Variants in HSPA14 observed in about 807,000 individuals in gnomAD.
The protein encoded by HSPA14 is heat shock 70 kDa protein 14.
A neutral mutation model predicts 65.5 loss-of-function variants in HSPA14; 37 were observed. That is an observed-to-expected ratio of 0.56 (90% CI 0.43 to 0.74). The LOEUF (loss-of-function observed/expected upper bound fraction) is 0.74, where lower values mean the gene tolerates loss of function less well. Ranked by LOEUF, HSPA14 falls within the 30% of genes least tolerant of loss-of-function variation. The pLI is 0.00. For missense variants in HSPA14, 564 were observed against 607.6 expected (o/e 0.93, Z 0.75); for synonymous variants, 203 against 214.2 (o/e 0.95, Z 0.46).
intron 3 of HSPA14, chr10:14,843,705 A>AG: frequency 6.5e-7 from 1 of 1,540,234 alleles, no homozygotes; most frequent in South Asian, 1.2e-5. Context: ...AGCGGGAGGA[A>AG]GAAAAACTGG....
At chr10:14,844,919 C>T (rs375604418) in intron 3 of HSPA14, 17 of 985,242 alleles carry the variant, frequency 1.7e-5, no homozygotes, top group Middle Eastern at 5.2e-4. Flanking sequence ...GCCCTAGAAA[C>T]GTTTCCTTTT....
In HSPA14 at chr10:14,867,745, G is replaced by C. The variant is rs757669772; in HGVS notation, c.1216G>C (p.Glu406Gln). Residue 406 changes from glutamate to glutamine, a missense_variant, in exon 12 of 14, where the codon GAA becomes CAA. Coordinates refer to ENST00000378372, the MANE Select transcript of HSPA14 (RefSeq NM_016299.4). Reference sequence around the variant, plus strand: ...GTTTCCTGCTAACTAGGGTGTGGACGAATCAGGAGCCAGTAGATTCACAGT... The same window carrying C: ...GTTTCCTGCTAACTAGGGTGTGGACCAATCAGGAGCCAGTAGATTCACAGT... ...ARDILVKGVD[E>Q]SGASRFTVLF... 4.3e-6 allele frequency: 7 copies of C among 1,613,166 alleles called. No homozygotes were observed. Among genetic ancestry groups the C allele is most frequent in the East Asian group, 2.2e-5 (1 of 44,874 alleles).
chr10:14,848,613 A>G lies in HSPA14; in HGVS notation c.226A>G (p.Ser76Gly). 1 of 1,609,642 alleles carries G rather than the reference A, an allele frequency of 6.2e-7. No homozygotes were observed. Among genetic ancestry groups the G allele is most frequent in the South Asian group, 1.1e-5 (1 of 90,690 alleles). Residue 76 changes from serine (S) to glycine (G), a missense_variant, in exon 4 of 14, where the codon AGT becomes GGT. Coordinates refer to ENST00000378372, the MANE Select transcript of HSPA14 (RefSeq NM_016299.4). ...KVKQILGRSSSDPQAQKYIAE... is the reference protein window; with the variant it reads ...KVKQILGRSSGDPQAQKYIAE... The stretch of plus-strand genomic sequence containing the variant: ...TTTATCTTTCTTTATGGACAGCTCC[A>G]GTGATCCACAAGCTCAGAAATACAT...
chr10:14,845,136 C>T (rs984875136), intron 3 of HSPA14: 1 of 985,308 alleles, frequency 1.0e-6, no homozygotes. Flanking sequence ...CAGACACACA[C>T]TGGGGAGAGA....
rs1189303997 is a variant in HSPA14 at position 14,838,387 on chromosome 10, C to T, written c.-16C>T. ...GGGGACCCCCTCATTCCTGCCGCTG[C>T]CGTCCCTGCTGCCTCATGGCGGCCA... On this transcript the variant is annotated 5_prime_UTR_variant, in exon 1 of 14. Coordinates refer to ENST00000378372, the MANE Select transcript of HSPA14 (RefSeq NM_016299.4). The T allele has an allele frequency of 3.8e-6, 6 of 1,597,802 alleles. No homozygotes were observed. The highest frequency in any genetic ancestry group is 5.1e-6 in the Non-Finnish European group (6 of 1,174,682).
At chr10:14,848,965 A>G (rs1438872336) in intron 5 of HSPA14, 70 bp downstream of exon 5, 1 of 851,734 alleles carries the variant, frequency 1.2e-6, no homozygotes. Flanking sequence ...AAAAAAAGTT[A>G]GAGGTATTTT....
At chr10:14,865,404 A>G (rs1172674803) in intron 10 of HSPA14, among the ~76,000 whole-genome samples, 3 of 152,048 alleles carry the variant, frequency 2.0e-5, no homozygotes, top group Admixed American at 6.5e-5. Context: ...GCCCATGCCT[A>G]TGTCCTGAAT....
intron 12 of HSPA14, among the ~76,000 whole-genome samples, chr10:14,869,260 TGTGTAA>T (rs1832833890): frequency 6.6e-6 from 1 of 151,374 alleles, no homozygotes; most frequent in South Asian, 2.1e-4. Context: ...TGTGTGTGTG[TGTGTAA>T]AGAGATACAT....
chr10:14,864,289 C>G (rs933113187), intron 10 of HSPA14, among the ~76,000 whole-genome samples: 17 of 106,052 alleles, frequency 1.6e-4, no homozygotes, highest in Admixed American at 9.7e-4. Context: ...TTTTGGTTTT[C>G]TTTGTTTTTT....
At chr10:14,846,944 T>C in intron 3 of HSPA14, 1 of 985,440 alleles carries the variant, frequency 1.0e-6, no homozygotes, top group Non-Finnish European at 1.2e-6. Flanking sequence ...CTCACCACCT[T>C]TGTTTTTCTG....
intron 2 of HSPA14, 43 bp from the exon 3 acceptor site, chr10:14,840,032 A>G (rs1198654259): frequency 1.4e-6 from 2 of 1,414,584 alleles, no homozygotes; most frequent in Middle Eastern, 2.1e-4. Flanking sequence ...TTAAAATTAC[A>G]TACATTGTAA....
intron 3 of HSPA14, among the ~76,000 whole-genome samples, chr10:14,847,348 G>A (rs148002570): frequency 1.3e-4 from 20 of 152,206 alleles, no homozygotes; most frequent in African/African-American, 4.8e-4. Flanking sequence ...TGCAAAACCC[G>A]CTATGAGCAC....
intron 3 of HSPA14, chr10:14,845,360 C>A: frequency 3.0e-6 from 3 of 985,244 alleles, no homozygotes; most frequent in Non-Finnish European, 3.6e-6. Flanking sequence ...ATCTTGCAGG[C>A]TCGAGTGCTT....
At chr10:14,868,002 T>C (rs1588821808) in intron 12 of HSPA14, 93 bp downstream of exon 12, 5 of 950,090 alleles carry the variant, frequency 5.3e-6, no homozygotes, top group Non-Finnish European at 7.8e-6. Context: ...TGTATATATA[T>C]AAAGGACACC....
intron 3 of HSPA14, chr10:14,844,557 A>G (rs1264484521): frequency 1.0e-6 from 1 of 985,650 alleles, no homozygotes; most frequent in African/African-American, 1.7e-5. Flanking sequence ...TGACATATCT[A>G]CTAGTAAGCA....
chr10:14,842,806 C>T lies in HSPA14; in HGVS notation c.221+2649C>T. 6.5e-7 allele frequency: 1 copy of T among 1,535,508 alleles called. No individual in the cohort carries two copies. The highest frequency in any genetic ancestry group is 8.7e-7 in the Non-Finnish European group (1 of 1,146,880). On this transcript the variant is annotated intron_variant, in intron 3 of 13. Transcript: ENST00000378372. The surrounding 1 kb of genome is among the most constrained non-coding windows in gnomAD (Gnocchi z 5.2). ...GAATCAGTGACCGGATACGAGAAAC[C>T]AGTGACCTTGAGGACTCCTGGGATG...
chr10:14,862,181 C>T (rs1200642039), intron 10 of HSPA14, among the ~76,000 whole-genome samples: 1 of 150,586 alleles, frequency 6.6e-6, no homozygotes, highest in Admixed American at 6.6e-5. Context: ...GCGCCTGCCA[C>T]CACACCCGGC....
At chr10:14,859,460 T>C (rs180725577) in intron 10 of HSPA14, among the ~76,000 whole-genome samples, 12 of 152,354 alleles carry the variant, frequency 7.9e-5, no homozygotes, top group Admixed American at 6.5e-4. Context: ...AGATTTCTCT[T>C]CCATTTATTT....
rs768016540 is a variant in HSPA14, at chr10:14,848,790, G to C, written c.271G>C (p.Val91Leu). The C allele has an allele frequency of 6.6e-7, 1 of 1,516,256 alleles. No individual in the cohort carries two copies. Among genetic ancestry groups the C allele is most frequent in the Non-Finnish European group, 9.0e-7 (1 of 1,105,174 alleles). 93.9% of individuals were successfully genotyped at this position (1,516,256 alleles called of 1,614,324 possible). A position where few individuals can be genotyped will look rare whatever the true frequency, so the allele number is the denominator to read the frequency against. Residue 91 changes from valine (V) to leucine (L), a missense_variant and splice_region_variant, in exon 5 of 14, where the codon GTC becomes CTC. By Grantham distance (32) the Val-to-Leu change is conservative. Transcript: ENST00000378372. The stretch of plus-strand genomic sequence containing the variant: ...AGCATAATTGTAATTTATTTTATAG[G>C]TCATTGAAAAAAATGGGAAATTACG... ...QKYIAESKCL[V>L]IEKNGKLRYE... is the part of the protein sequence containing the mutation.
Sources: allele counts gnomAD v4.1 joint callset (sites outside exome capture counted in the v4.1 genomes callset), GRCh38; gene constraint gnomAD v4.1.1; non-coding constraint Gnocchi (gnomAD v3.1); transcripts MANE v1.5; gene names NCBI Gene and HGNC (gene_info 2026-07-23, HGNC 2026-07-21).